C8A: variants seen among roughly 807,000 people sequenced by gnomAD.
C8A encodes complement component C8 alpha chain.
Under a neutral mutation model 65.3 loss-of-function variants are expected in C8A, and 67 were observed. The ratio of observed to expected loss-of-function variants is 1.03; its 90% CI spans 0.84 to 1.26. C8A has a LOEUF of 1.26. C8A is among the 50% of genes most tolerant of loss of function. The pLI is 0.00. For synonymous variants in C8A, 290 were observed against 259.4 expected (o/e 1.12, Z -1.13); for missense variants, 781 against 723.9 (o/e 1.08, Z -0.90).
chr1:56,856,050 T>C (rs1643971839), intron 1 of C8A, among the ~76,000 whole-genome samples: 1 of 152,096 alleles, frequency 6.6e-6, no homozygotes, highest in Non-Finnish European at 1.5e-5. Flanking sequence ...CAAAGAGTCT[T>C]GATGTTTGAT....
chr1:56,902,840 G>A (rs1029736108), intron 7 of C8A, among the ~76,000 whole-genome samples: 27 of 151,990 alleles, frequency 1.8e-4, no homozygotes, highest in South Asian at 6.2e-4. Flanking sequence ...TTTAAAGGCT[G>A]GATAATGTTC....
intron 1 of C8A, among the ~76,000 whole-genome samples, chr1:56,858,317 A>G (rs1430461485): frequency 6.6e-6 from 1 of 152,194 alleles, no homozygotes; most frequent in Non-Finnish European, 1.5e-5. Context: ...GATAACTCAG[A>G]TAGGCATTTA....
chr1:56,917,015 G>C (rs932212690), intron 10 of C8A, among the ~76,000 whole-genome samples: 1 of 151,956 alleles, frequency 6.6e-6, no homozygotes, highest in Non-Finnish European at 1.5e-5. Context: ...GGAGGGCGGT[G>C]CTCCCCTCTC....
intron 10 of C8A, among the ~76,000 whole-genome samples, chr1:56,915,658 C>T (rs192263713): frequency 9.9e-5 from 15 of 152,272 alleles, no homozygotes; most frequent in Non-Finnish European, 4.4e-5. Flanking sequence ...TCCCAAGAAC[C>T]TTATGACATA....
At chr1:56,894,413 A>G (rs139512202) in intron 7 of C8A, among the ~76,000 whole-genome samples, 39 of 152,246 alleles carry the variant, frequency 2.6e-4, no homozygotes, top group South Asian at 1.7e-3. Flanking sequence ...ACTATCTTTC[A>G]AAGTGTTAAC....
chr1:56,881,313 C>T (rs368140065), intron 4 of C8A, 132 bp from the exon 5 acceptor site: 16 of 875,196 alleles, frequency 1.8e-5, no homozygotes, highest in African/African-American at 3.3e-5. Context: ...TTCAGGGGTA[C>T]ATGCGCAGGA....
chr1:56,907,154 A>G (rs184775370), intron 8 of C8A, among the ~76,000 whole-genome samples: 2 of 152,314 alleles, frequency 1.3e-5, no homozygotes, highest in East Asian at 3.9e-4. Flanking sequence ...AGAATATGGT[A>G]CCGAGTCCAA....
At chr1:56,883,223 CTGTGTG>C (rs3835681) in intron 5 of C8A, among the ~76,000 whole-genome samples, 4 of 150,338 alleles carry the variant, frequency 2.7e-5, no homozygotes, top group South Asian at 2.1e-4. Context: ...TCATCTGCAT[CTGTGTG>C]TGTGTGTGTG....
chr1:56,911,798 T>G (rs977963646), intron 9 of C8A, among the ~76,000 whole-genome samples: 1 of 151,840 alleles, frequency 6.6e-6, no homozygotes, highest in Non-Finnish European at 1.5e-5. Context: ...ATTAGGGAAA[T>G]TGCTCAGCAA....
At chr1:56,893,225 C>A (rs1644361966) in intron 7 of C8A, among the ~76,000 whole-genome samples, 1 of 151,976 alleles carries the variant, frequency 6.6e-6, no homozygotes, top group South Asian at 2.1e-4. Flanking sequence ...TGAGAATTAA[C>A]CAAGATAGTC....
chr1:56,901,599 C>T (rs144039790), intron 7 of C8A, among the ~76,000 whole-genome samples: 1 of 152,276 alleles, frequency 6.6e-6, no homozygotes, highest in Non-Finnish European at 1.5e-5. Context: ...AATCCAGCAT[C>T]CCACTACCTC....
At chr1:56,895,181 C>A (rs1289282423) in intron 7 of C8A, among the ~76,000 whole-genome samples, 2 of 152,020 alleles carry the variant, frequency 1.3e-5, no homozygotes, top group Non-Finnish European at 2.9e-5. Context: ...ATCCCTTTTT[C>A]CATACATTCT....
At chr1:56,905,650 T>C (rs994521217) in intron 7 of C8A, among the ~76,000 whole-genome samples, 4 of 152,224 alleles carry the variant, frequency 2.6e-5, no homozygotes, top group African/African-American at 9.6e-5. Context: ...TTAGCTCAAC[T>C]GAATGACAGG....
chr1:56,905,799 C>T (rs781619672), intron 7 of C8A, among the ~76,000 whole-genome samples: 5 of 152,238 alleles, frequency 3.3e-5, no homozygotes, highest in Non-Finnish European at 7.4e-5. Context: ...CTTTAGCTAC[C>T]GAAAAGGTTG....
intron 4 of C8A, among the ~76,000 whole-genome samples, chr1:56,879,876 C>T (rs761399550): frequency 3.3e-5 from 5 of 152,108 alleles, no homozygotes; most frequent in Non-Finnish European, 5.9e-5. Context: ...GGGTTTTATT[C>T]GCAGTTTATC....
intron 6 of C8A, among the ~76,000 whole-genome samples, chr1:56,885,546 T>G (rs563216132): frequency 3.4e-4 from 47 of 139,776 alleles, no homozygotes; most frequent in African/African-American, 1.2e-3. Flanking sequence ...TTTGCATCCT[T>G]TCTTTTTTGT....
intron 7 of C8A, among the ~76,000 whole-genome samples, chr1:56,887,919 T>G (rs1022170999): frequency 6.6e-6 from 1 of 151,856 alleles, no homozygotes; most frequent in African/African-American, 2.4e-5. Flanking sequence ...CACTCATAAG[T>G]GGGAGTTGAA....
chr1:56,873,526 C>G (rs1407737065), intron 2 of C8A, among the ~76,000 whole-genome samples: 1 of 152,128 alleles, frequency 6.6e-6, no homozygotes, highest in East Asian at 1.9e-4. Context: ...ATATTAGTCA[C>G]TATAATTAGG....
chr1:56,890,591 C>T (rs1557708377), intron 7 of C8A, among the ~76,000 whole-genome samples: 2 of 152,116 alleles, frequency 1.3e-5, no homozygotes. Context: ...TTGTCTCTCA[C>T]CTGGATACTG....
Sources: gnomAD v4.1 joint callset for allele counts (sites outside exome capture counted in the v4.1 genomes callset) on GRCh38, gnomAD v4.1.1 for gene constraint, MANE v1.5 for transcripts, NCBI Gene and HGNC (gene_info 2026-07-23, HGNC 2026-07-21) for gene names.